The following ANAPC4 variants were observed in gnomAD, a reference collection of about 807,000 sequenced individuals.
ANAPC4 encodes anaphase promoting complex subunit 4.
ANAPC4 carries 63 observed loss-of-function variants against 119.8 expected under a neutral mutation model. That is an observed-to-expected ratio of 0.53 (90% CI 0.43 to 0.65). The LOEUF is 0.65. ANAPC4 is among the 30% of genes least tolerant of loss of function. The pLI is 0.00. For missense variants in ANAPC4, 716 were observed against 945.1 expected (o/e 0.76, Z 3.18); for synonymous variants, 283 against 318.6 (o/e 0.89, Z 1.19).
At chr4:25,386,968 T>C (rs13434763) in intron 4 of ANAPC4, among the ~76,000 whole-genome samples, 65,804 of 152,104 alleles carry the variant, frequency 0.43, 15,831 homozygotes, top group Non-Finnish European at 0.53. Context: ...AATTTGCCAA[T>C]CAGTAATTTT....
intron 22 of ANAPC4, 194 bp downstream of exon 22, chr4:25,413,936 T>G: frequency 3.8e-6 from 2 of 522,800 alleles, no homozygotes; most frequent in Non-Finnish European, 6.7e-6. Context: ...CACACGTGTG[T>G]GTGTGTGTGT....
At position 25,377,288 on chromosome 4, in the gene ANAPC4, A is replaced by T; in HGVS notation, c.-67A>T. 1.7e-6 allele frequency: 2 copies of T among 1,196,394 alleles called. No individual in the cohort carries two copies. The highest frequency in any genetic ancestry group is 2.3e-6 in the Non-Finnish European group (2 of 888,040). 74.1% of individuals were successfully genotyped at this position (1,196,394 alleles called of 1,614,324 possible). A position where few individuals can be genotyped will look rare whatever the true frequency, so the allele number is the denominator to read the frequency against. On this transcript the variant is annotated 5_prime_UTR_variant, in exon 1 of 29. Transcript: ENST00000315368. ...CTGGAGGCTGTGGCGCGCGGCCGGC[A>T]GAGGGAGGGGAGAGGCCACTGGGGC...
At chr4:25,398,699 G>T (rs1722787568) in intron 16 of ANAPC4, among the ~76,000 whole-genome samples, 1 of 152,102 alleles carries the variant, frequency 6.6e-6, no homozygotes, top group Non-Finnish European at 1.5e-5. Flanking sequence ...GTTGAGAATA[G>T]CTCATAGATA....
intron 4 of ANAPC4, among the ~76,000 whole-genome samples, chr4:25,387,338 T>G (rs1305571799): frequency 6.6e-6 from 1 of 152,226 alleles, no homozygotes; most frequent in Admixed American, 6.5e-5. Flanking sequence ...TAAGGTAATA[T>G]CAAATGAATT....
At chr4:25,416,968 T>C (rs1346709083) in intron 27 of ANAPC4, 2 of 158,102 alleles carry the variant, frequency 1.3e-5, no homozygotes, top group African/African-American at 4.8e-5. Flanking sequence ...TCAGTACCCA[T>C]GTAGGAAGTA....
chr4:25,389,605 T>TTAA (rs1722229208), intron 7 of ANAPC4, among the ~76,000 whole-genome samples: 1 of 152,228 alleles, frequency 6.6e-6, no homozygotes, highest in Non-Finnish European at 1.5e-5. Context: ...ATCGTTGACA[T>TTAA]TAATACCTTC....
At chr4:25,397,803 T>C (rs1025269924) in intron 16 of ANAPC4, among the ~76,000 whole-genome samples, 2 of 152,018 alleles carry the variant, frequency 1.3e-5, no homozygotes, top group Non-Finnish European at 2.9e-5. Flanking sequence ...TCTTGATATG[T>C]TGAAATTTCA....
At chr4:25,412,711 A>G (rs1462054191) in intron 21 of ANAPC4, among the ~76,000 whole-genome samples, 1 of 151,888 alleles carries the variant, frequency 6.6e-6, no homozygotes, top group African/African-American at 2.4e-5. Flanking sequence ...AGACTGCACC[A>G]CTGCACTCCA....
chr4:25,417,433 A>G, intron 27 of ANAPC4, 183 bp from the exon 28 acceptor site: 1 of 573,550 alleles, frequency 1.7e-6, no homozygotes, highest in Non-Finnish European at 2.7e-6. Context: ...AATATAGAAT[A>G]TGGAATTTTT....
intron 1 of ANAPC4, 34 bp downstream of exon 1, chr4:25,377,378 C>A: frequency 6.2e-7 from 1 of 1,605,460 alleles, no homozygotes; most frequent in Non-Finnish European, 8.5e-7. Context: ...CGTGGAGAGC[C>A]GGGGGCTCCT....
chr4:25,388,977 TTTTA>T, intron 7 of ANAPC4, 95 bp downstream of exon 7: 1 of 1,055,642 alleles, frequency 9.5e-7, no homozygotes, highest in Non-Finnish European at 1.4e-6. Context: ...TTATTTGCCA[TTTTA>T]TTTCATTGTT....
At chr4:25,381,671 G>A (rs1721735495) in intron 3 of ANAPC4, among the ~76,000 whole-genome samples, 1 of 152,086 alleles carries the variant, frequency 6.6e-6, no homozygotes, top group South Asian at 2.1e-4. Context: ...TTCCCTAGGT[G>A]GGGCATGGTG....
chr4:25,385,841 G>T (rs1722000089), intron 4 of ANAPC4, among the ~76,000 whole-genome samples: 1 of 152,146 alleles, frequency 6.6e-6, no homozygotes, highest in Non-Finnish European at 1.5e-5. Flanking sequence ...GAATAGGGAG[G>T]CCTGTGCAAA....
chr4:25,389,049 G>A (rs1477224097), intron 7 of ANAPC4, among the ~76,000 whole-genome samples, 167 bp downstream of exon 7: 1 of 152,110 alleles, frequency 6.6e-6, no homozygotes, highest in African/African-American at 2.4e-5. Flanking sequence ...GGAGTGCAGT[G>A]TCGTGATATT....
rs111437373 is a variant in ANAPC4, at chr4:25,414,583, C to T, written c.1725-16C>T. 6.4e-7 allele frequency: 1 copy of T among 1,550,450 alleles called. No homozygotes were observed. Among genetic ancestry groups the T allele is most frequent in the South Asian group, 1.2e-5 (1 of 83,748 alleles). On this transcript the variant is annotated splice_polypyrimidine_tract_variant and intron_variant, in intron 24 of 28. Transcript: ENST00000315368. Reference sequence around the variant, plus strand: ...CATCAATAGTTAAAAAATATTATGACAATTTTTTTTCTTAGGTGGAATAAT... The same window carrying T: ...CATCAATAGTTAAAAAATATTATGATAATTTTTTTTCTTAGGTGGAATAAT...
At chr4:25,380,082 G>A (rs1189749321) in intron 2 of ANAPC4, among the ~76,000 whole-genome samples, 2 of 152,182 alleles carry the variant, frequency 1.3e-5, no homozygotes, top group Admixed American at 6.5e-5. Context: ...AGTGGTGTTT[G>A]TGTTCTTTTA....
chr4:25,389,159 A>AT (rs113710613), intron 7 of ANAPC4, among the ~76,000 whole-genome samples: 60,023 of 132,058 alleles, frequency 0.45, 14,701 homozygotes, highest in Non-Finnish European at 0.54. Context: ...CACCCAGCTA[A>AT]TTTTTTTTTT....
intron 25 of ANAPC4, 64 bp from the exon 26 acceptor site, chr4:25,415,402 T>C: frequency 7.8e-7 from 1 of 1,280,632 alleles, no homozygotes; most frequent in Non-Finnish European, 1.1e-6. Context: ...CTTTTAAGCC[T>C]TTAGATTATT....
Position 25,394,310 on chromosome 4 carries a change from GA to G in ANAPC4, c.881del (p.Lys294ArgfsTer28). 6.3e-7 allele frequency: 1 copy of G among 1,577,918 alleles called. No homozygotes were observed. Among genetic ancestry groups the G allele is most frequent in the Admixed American group, 2.1e-5 (1 of 48,440 alleles). On this transcript the variant is annotated frameshift_variant and splice_region_variant, in exon 12 of 29. Transcript: ENST00000315368. LOFTEE classifies it high-confidence loss of function. ...MDSRLTKFVQ[E>X]KNTTTSVQDE... is the part of the protein sequence containing the mutation. ...CAATTTTTTTTTCACTTTTTTCCAG[GA>G]AAAGAACACAACCACATCAGTGCAA... is the stretch of plus-strand genomic sequence containing the variant.
Sources: gnomAD v4.1 joint callset for allele counts (sites outside exome capture counted in the v4.1 genomes callset) on GRCh38, gnomAD v4.1.1 for gene constraint, MANE v1.5 for transcripts, NCBI Gene and HGNC (gene_info 2026-07-23, HGNC 2026-07-21) for gene names.